The following ZNG1B variants were observed in gnomAD, a reference collection of about 807,000 sequenced individuals.
ZNG1B encodes the protein Zn regulated GTPase metalloprotein activator 1B, also known as zinc-regulated GTPase metalloprotein activator 1B.
chr2:113,439,874 A>ATTTTTTTTTTTTTTTTTT, the ZNG1B span, among the ~76,000 whole-genome samples: 1 of 68,880 alleles, frequency 1.5e-5, no homozygotes, highest in Non-Finnish European at 2.7e-5. Flanking sequence ...CCTTCCCTTA[A>ATTTTTTTTTTTTTTTTTT]TTTTTTTTTT....
At chr2:113,483,802 T>C in the ZNG1B span, among the ~76,000 whole-genome samples, 1 of 152,210 alleles carries the variant, frequency 6.6e-6, no homozygotes, top group African/African-American at 2.4e-5. Flanking sequence ...ATAATGAGCC[T>C]GTATGTACCT....
chr2:113,457,203 A>G, the ZNG1B span: 9 of 448,126 alleles, frequency 2.0e-5, no homozygotes, highest in African/African-American at 1.6e-4. Context: ...TACCCAGAGA[A>G]GGTCAAGTGA....
chr2:113,456,367 A>C, the ZNG1B span, among the ~76,000 whole-genome samples: 1 of 151,868 alleles, frequency 6.6e-6, no homozygotes, highest in East Asian at 1.9e-4. Context: ...TTGAATGTTT[A>C]TTATAGGCAT....
chr2:113,444,928 G>T, the ZNG1B span: 1 of 1,606,474 alleles, frequency 6.2e-7, no homozygotes, highest in Non-Finnish European at 8.5e-7. Flanking sequence ...AAATATTTAG[G>T]TAATTAACTG....
At chr2:113,440,810 T>G in the ZNG1B span, among the ~76,000 whole-genome samples, 1 of 145,160 alleles carries the variant, frequency 6.9e-6, no homozygotes, top group Non-Finnish European at 1.5e-5. Context: ...CCTCTATGAA[T>G]TTTAGTGTGT....
chr2:113,442,703 T>C, the ZNG1B span, among the ~76,000 whole-genome samples: 1 of 152,164 alleles, frequency 6.6e-6, no homozygotes, highest in African/African-American at 2.4e-5. Flanking sequence ...GTTCTGTATA[T>C]AGTCCGAATT....
the ZNG1B span, among the ~76,000 whole-genome samples, chr2:113,459,396 C>T: frequency 1.3e-5 from 2 of 151,662 alleles, no homozygotes; most frequent in East Asian, 2.0e-4. Flanking sequence ...ATGATCATCT[C>T]CCCATGTATT....
the ZNG1B span, among the ~76,000 whole-genome samples, chr2:113,467,134 AGTTTT>A: frequency 6.6e-6 from 1 of 151,646 alleles, no homozygotes; most frequent in Admixed American, 6.6e-5. Flanking sequence ...CTCTTACAGA[AGTTTT>A]GTTTTATTTT....
At chr2:113,479,917 G>C in the ZNG1B span, among the ~76,000 whole-genome samples, 2 of 151,484 alleles carry the variant, frequency 1.3e-5, no homozygotes, top group African/African-American at 4.9e-5. Context: ...TGTGTCCTGG[G>C]CTTAAGCCGT....
chr2:113,442,819 CTT>C, the ZNG1B span, among the ~76,000 whole-genome samples: 9 of 152,016 alleles, frequency 5.9e-5, no homozygotes, highest in Admixed American at 2.0e-4. Flanking sequence ...GCTTAGTGGG[CTT>C]TTAGAACTTC....
chr2:113,489,764 A>G, the ZNG1B span, among the ~76,000 whole-genome samples: 3 of 150,328 alleles, frequency 2.0e-5, no homozygotes, highest in Non-Finnish European at 4.4e-5. Context: ...TTAAAAAGAC[A>G]AAGAGGGACA....
the ZNG1B span, among the ~76,000 whole-genome samples, chr2:113,480,981 C>T: frequency 6.7e-6 from 1 of 149,516 alleles, no homozygotes; most frequent in African/African-American, 2.5e-5. Context: ...ATAGCATATC[C>T]TTATCCACTA....
At chr2:113,472,819 G>A in the ZNG1B span, among the ~76,000 whole-genome samples, 1 of 151,730 alleles carries the variant, frequency 6.6e-6, no homozygotes, top group Non-Finnish European at 1.5e-5. Context: ...TATTTCTGAG[G>A]GCTCTGTTCT....
chr2:113,477,744 G>A, the ZNG1B span, among the ~76,000 whole-genome samples: 1 of 152,204 alleles, frequency 6.6e-6, no homozygotes, highest in Non-Finnish European at 1.5e-5. Flanking sequence ...CTATAGGCAT[G>A]AGGATGTGCA....
At chr2:113,468,807 T>G in the ZNG1B span, 1 of 151,394 alleles carries the variant, frequency 6.6e-6, no homozygotes, top group Non-Finnish European at 1.5e-5. Flanking sequence ...AAGCTTACAC[T>G]TTTCCTCTTT....
the ZNG1B span, among the ~76,000 whole-genome samples, chr2:113,487,321 A>G: frequency 1.3e-5 from 2 of 151,950 alleles, no homozygotes; most frequent in African/African-American, 4.8e-5. Context: ...TATAACAACA[A>G]AATTGCCCAA....
At chr2:113,454,265 TG>T in the ZNG1B span, among the ~76,000 whole-genome samples, 1 of 152,214 alleles carries the variant, frequency 6.6e-6, no homozygotes, top group Non-Finnish European at 1.5e-5. Context: ...GAGTTGGATT[TG>T]GATTTGATGA....
the ZNG1B span, chr2:113,470,045 G>A: frequency 6.7e-6 from 1 of 149,438 alleles, no homozygotes; most frequent in African/African-American, 2.5e-5. Flanking sequence ...AGGCTGGAGT[G>A]CAGTGGTGCA....
At chr2:113,456,423 C>A in the ZNG1B span, among the ~76,000 whole-genome samples, 3 of 148,006 alleles carry the variant, frequency 2.0e-5, no homozygotes, top group Non-Finnish European at 4.5e-5. Context: ...ATTTGATATA[C>A]CTATGTGACA....
Sources: gnomAD v4.1 joint callset for allele counts (sites outside exome capture counted in the v4.1 genomes callset) on GRCh38, gnomAD v4.1.1 for gene constraint, MANE v1.5 for transcripts, NCBI Gene and HGNC (gene_info 2026-07-23, HGNC 2026-07-21) for gene names.